Variants in COL14A1 observed in about 807,000 individuals in gnomAD.
The protein encoded by COL14A1 is collagen alpha-1(XIV) chain.
A neutral mutation model predicts 230.3 loss-of-function variants in COL14A1; 136 were observed. That is an observed-to-expected ratio of 0.59 (90% CI 0.51 to 0.68). The LOEUF (loss-of-function observed/expected upper bound fraction) is 0.68. Among genes scored for constraint, COL14A1 ranks in the 30% least tolerant of loss-of-function variants. COL14A1 has a pLI of 0.00. For synonymous variants in COL14A1, 792 were observed against 784.1 expected (o/e 1.01, Z -0.17); for missense variants, 1,976 against 2,215.8 (o/e 0.89, Z 2.17).
chr8:120,197,177 A>G (rs1303073880), intron 6 of COL14A1, among the ~76,000 whole-genome samples: 3 of 152,196 alleles, frequency 2.0e-5, no homozygotes, highest in Non-Finnish European at 4.4e-5. Context: ...TGAAAAGTCA[A>G]GTTCTTCTCT....
intron 1 of COL14A1, among the ~76,000 whole-genome samples, chr8:120,140,028 A>G (rs562173070): frequency 3.3e-5 from 5 of 152,138 alleles, no homozygotes; most frequent in Non-Finnish European, 7.3e-5. Flanking sequence ...ATCCTAAAAA[A>G]AACCCAAATC....
chr8:120,189,463 A>T (rs1397819650), intron 5 of COL14A1, among the ~76,000 whole-genome samples: 3 of 151,470 alleles, frequency 2.0e-5, no homozygotes, highest in South Asian at 2.1e-4. Flanking sequence ...TTTTTTTTTA[A>T]TTAAAATTTT....
intron 45 of COL14A1, among the ~76,000 whole-genome samples, chr8:120,360,973 C>T (rs1823187287): frequency 6.6e-6 from 1 of 152,108 alleles, no homozygotes. Context: ...TTGTAGCCAC[C>T]ACCCCTCTGC....
At chr8:120,208,134 C>A in intron 10 of COL14A1, 98 bp from the exon 11 acceptor site, 1 of 1,208,650 alleles carries the variant, frequency 8.3e-7, no homozygotes, top group Non-Finnish European at 1.1e-6. Flanking sequence ...AGAAAATATT[C>A]AATGAAATAT....
At chr8:120,334,785 G>T (rs1821995747) in intron 42 of COL14A1, among the ~76,000 whole-genome samples, 1 of 152,206 alleles carries the variant, frequency 6.6e-6, no homozygotes, top group Non-Finnish European at 1.5e-5. Flanking sequence ...GTGCCAGACA[G>T]TAAAGGGTCC....
chr8:120,213,377 C>T (rs1161089406), intron 13 of COL14A1, among the ~76,000 whole-genome samples: 3 of 152,104 alleles, frequency 2.0e-5, no homozygotes, highest in Non-Finnish European at 4.4e-5. Context: ...CTCCTAGACT[C>T]GGGAGATGAA....
At chr8:120,332,068 G>C in intron 40 of COL14A1, 73 bp from the exon 41 acceptor site, 1 of 1,298,276 alleles carries the variant, frequency 7.7e-7, no homozygotes, top group Non-Finnish European at 1.1e-6. Flanking sequence ...AACATGAAAA[G>C]GAACTAAATG....
intron 9 of COL14A1, among the ~76,000 whole-genome samples, chr8:120,205,290 T>C (rs1563670920): frequency 6.6e-6 from 1 of 152,154 alleles, no homozygotes. Context: ...CTGGGATATA[T>C]GAGTAAAAGG....
chr8:120,125,680 G>T (rs1237259211), intron 1 of COL14A1, among the ~76,000 whole-genome samples: 1 of 152,168 alleles, frequency 6.6e-6, no homozygotes, highest in African/African-American at 2.4e-5. Context: ...CGGGACAGTG[G>T]CGGCTCCAGC....
chr8:120,141,195 T>G (rs1227755609), intron 1 of COL14A1, among the ~76,000 whole-genome samples: 3 of 152,158 alleles, frequency 2.0e-5, no homozygotes, highest in African/African-American at 7.2e-5. Flanking sequence ...AAACTGAAAT[T>G]TCACTTCTCC....
chr8:120,267,949 C>T (rs1563706730), intron 25 of COL14A1, among the ~76,000 whole-genome samples: 1 of 151,670 alleles, frequency 6.6e-6, no homozygotes, highest in Non-Finnish European at 1.5e-5. Flanking sequence ...CTTCCATTCA[C>T]AATGCATCTT....
intron 35 of COL14A1, among the ~76,000 whole-genome samples, chr8:120,299,832 T>G (rs1462397552): frequency 6.6e-6 from 1 of 152,122 alleles, no homozygotes; most frequent in African/African-American, 2.4e-5. Context: ...GAGACTCAGA[T>G]TATTTTCAAT....
chr8:120,255,424 G>T (rs1819113503), intron 23 of COL14A1, 68 bp downstream of exon 23: 2 of 1,160,880 alleles, frequency 1.7e-6, no homozygotes, highest in Non-Finnish European at 2.6e-6. Flanking sequence ...ACACCACTGT[G>T]TACAACACAC....
intron 21 of COL14A1, among the ~76,000 whole-genome samples, chr8:120,248,816 C>G (rs893033705): frequency 2.0e-5 from 3 of 151,792 alleles, no homozygotes; most frequent in Admixed American, 2.0e-4. Context: ...GATCACACCA[C>G]TGCACTCCAG....
Position 120,169,952 on chromosome 8 carries a change from T to G in COL14A1, c.436+1705T>G, listed in dbSNP as rs183079801. 3.8e-3 allele frequency among the ~76,000 whole-genome samples: 585 copies of G among 152,196 alleles called. 5 individuals carry two copies. Among genetic ancestry groups the G allele is most frequent in the African/African-American group, 0.012 (511 of 41,570 alleles). On this transcript the variant is annotated intron_variant, in intron 5 of 47. Transcript: ENST00000297848. ...TTCCCCTTCCTGTCTTGTAGGAGGC[T>G]GCCACTAAGCTGAAGTCAGTTTTTA...
chr8:120,168,364 C>A, intron 5 of COL14A1, 117 bp downstream of exon 5: 1 of 660,872 alleles, frequency 1.5e-6, no homozygotes, highest in Non-Finnish European at 2.6e-6. Context: ...ATACGAAGAT[C>A]GCCTGTGGCC....
At chr8:120,202,186 C>T (rs1313935576) in intron 8 of COL14A1, among the ~76,000 whole-genome samples, 1 of 152,128 alleles carries the variant, frequency 6.6e-6, no homozygotes, top group Non-Finnish European at 1.5e-5. Context: ...TCTCCATTTT[C>T]TGCTCTTGTT....
chr8:120,338,663 A>C (rs1822171713), intron 42 of COL14A1, among the ~76,000 whole-genome samples: 2 of 152,232 alleles, frequency 1.3e-5, no homozygotes, highest in Non-Finnish European at 2.9e-5. Flanking sequence ...AGCTGTTATA[A>C]GGTTTAGCTG....
chr8:120,176,465 T>C (rs1816286400), intron 5 of COL14A1, among the ~76,000 whole-genome samples: 1 of 152,210 alleles, frequency 6.6e-6, no homozygotes, highest in Non-Finnish European at 1.5e-5. Flanking sequence ...TTAATACTTT[T>C]ATGGTTCTTG....
Sources: gnomAD v4.1 joint callset for allele counts (sites outside exome capture counted in the v4.1 genomes callset) on GRCh38, gnomAD v4.1.1 for gene constraint, MANE v1.5 for transcripts, NCBI Gene and HGNC (gene_info 2026-07-23, HGNC 2026-07-21) for gene names.